The following RFX3 variants were observed in gnomAD, a reference collection of about 807,000 sequenced individuals.
RFX3 encodes regulatory factor X3.
Under a neutral mutation model 98.6 loss-of-function variants are expected in RFX3, and 14 were observed. The ratio of observed to expected loss-of-function variants is 0.14; its 90% CI spans 0.09 to 0.22. RFX3 has a LOEUF of 0.22. RFX3 is among the 10% of genes least tolerant of loss of function. The pLI, the probability that RFX3 is intolerant of heterozygous loss-of-function variation, is 1.00. For missense variants in RFX3, 639 were observed against 926.9 expected (o/e 0.69, Z 4.03); for synonymous variants, 383 against 328.4 (o/e 1.17, Z -1.80).
chr9:3,223,109 T>G lies in RFX3; in HGVS notation c.*1933A>C, dbSNP rs1218708497. 6.6e-6 allele frequency: 1 copy of G among 151,854 alleles called. No homozygotes were observed. The highest frequency in any genetic ancestry group is 1.5e-5 in the Non-Finnish European group (1 of 67,930). The allele number at this position is 151,854 out of a possible 1,614,324, so 9.4% of individuals were successfully genotyped here. On this transcript the variant is annotated 3_prime_UTR_variant, in exon 17 of 17. Transcript: ENST00000617270. ...AATACCACTGGAAAGATAAACATCTTGGGTTTAATATAGGCCTCATTTGAT... is the reference window on the plus strand; with the variant it reads ...AATACCACTGGAAAGATAAACATCTGGGGTTTAATATAGGCCTCATTTGAT...
intron 15 of RFX3, among the ~76,000 whole-genome samples, chr9:3,233,189 C>T (rs904019085): frequency 6.6e-6 from 1 of 152,146 alleles, no homozygotes; most frequent in Non-Finnish European, 1.5e-5. Context: ...CACAAATATT[C>T]GTGTAAGACT....
At chr9:3,423,110 C>T (rs907934742) in intron 1 of RFX3, among the ~76,000 whole-genome samples, 1 of 152,136 alleles carries the variant, frequency 6.6e-6, no homozygotes, top group Non-Finnish European at 1.5e-5. Flanking sequence ...TTAACACTAT[C>T]CAAACATATG....
intron 1 of RFX3, among the ~76,000 whole-genome samples, chr9:3,433,298 T>C (rs1844819111): frequency 6.6e-6 from 1 of 152,138 alleles, no homozygotes; most frequent in African/African-American, 2.4e-5. Flanking sequence ...GACCAACCCC[T>C]ACTCTTCCTC....
intron 9 of RFX3, among the ~76,000 whole-genome samples, chr9:3,271,531 TTCTC>T (rs1824448771): frequency 2.0e-4 from 2 of 10,180 alleles, no homozygotes; most frequent in South Asian, 0.027. Flanking sequence ...CCTTCTTTCT[TTCTC>T]TCTTTCTCTT....
chr9:3,381,474 T>C (rs1839188852), intron 2 of RFX3, among the ~76,000 whole-genome samples: 1 of 152,134 alleles, frequency 6.6e-6, no homozygotes, highest in Admixed American at 6.6e-5. Context: ...ATACAGATTT[T>C]TTAGATTTGT....
intron 1 of RFX3, among the ~76,000 whole-genome samples, chr9:3,489,857 T>C (rs1006092404): frequency 5.9e-5 from 9 of 152,274 alleles, no homozygotes; most frequent in East Asian, 5.8e-4. Context: ...TCTTTCTTTA[T>C]TGTTCCTCTA....
At chr9:3,301,954 T>A (rs1291791529) in intron 4 of RFX3, among the ~76,000 whole-genome samples, 1 of 152,040 alleles carries the variant, frequency 6.6e-6, no homozygotes, top group Non-Finnish European at 1.5e-5. Context: ...TATGGGATAG[T>A]AACTATTCTC....
Position 3,423,800 on chromosome 9 carries a change from T to TATATATATAC in RFX3, c.-8-28205_-8-28204insGTATATATAT, listed in dbSNP as rs1554704367. On this transcript the variant is annotated intron_variant, in intron 1 of 16. Coordinates refer to ENST00000617270, the MANE Select transcript of RFX3 (RefSeq NM_001282116.2). ...TTTCATATATATATATATATATATA[T>TATATATATAC]ATATATATATATCTTAAGGTAATTT... is the stretch of plus-strand genomic sequence containing the variant. 2.2e-5 allele frequency among the ~76,000 whole-genome samples: 3 copies of TATATATATAC among 133,506 alleles called. 1 individual carries two copies. In the East Asian group the frequency reaches 6.1e-4, roughly 27 times the overall value. The allele number at this position is 133,506 out of a possible 152,430, so 87.6% of individuals were successfully genotyped here.
At chr9:3,424,374 T>TCC (rs1564082792) in intron 1 of RFX3, among the ~76,000 whole-genome samples, 2 of 119,434 alleles carry the variant, frequency 1.7e-5, no homozygotes, top group Admixed American at 1.7e-4. Flanking sequence ...TTTTTTTTTT[T>TCC]TTTTTGAGAC....
At chr9:3,388,050 C>A (rs977748345) in intron 2 of RFX3, among the ~76,000 whole-genome samples, 2 of 152,082 alleles carry the variant, frequency 1.3e-5, no homozygotes, top group Non-Finnish European at 2.9e-5. Context: ...TTAAAAATCA[C>A]TACTGATTGC....
At chr9:3,411,087 A>G (rs2132170665) in intron 1 of RFX3, among the ~76,000 whole-genome samples, 1 of 152,332 alleles carries the variant, frequency 6.6e-6, no homozygotes, top group East Asian at 1.9e-4. Flanking sequence ...ACACACAAAT[A>G]TGAGCTGATT....
intron 5 of RFX3, among the ~76,000 whole-genome samples, chr9:3,300,286 C>G (rs1313300783): frequency 6.6e-6 from 1 of 151,604 alleles, no homozygotes; most frequent in Non-Finnish European, 1.5e-5. Flanking sequence ...AGAATATATA[C>G]TATCATGTTT....
Position 3,415,185 on chromosome 9 carries a change from A to G in RFX3, c.-8-19589T>C, listed in dbSNP as rs540156563. Among the ~76,000 whole-genome samples, 735 of 139,622 alleles carry G rather than the reference A, an allele frequency of 5.3e-3. 8 individuals carry two copies. Among genetic ancestry groups the G allele is most frequent in the Admixed American group, 7.6e-3 (103 of 13,476 alleles). The allele number at this position is 139,622 out of a possible 152,430, so 91.6% of individuals were successfully genotyped here. On this transcript the variant is annotated intron_variant, in intron 1 of 16. Coordinates refer to ENST00000617270, the MANE Select transcript of RFX3 (RefSeq NM_001282116.2). ...TATATATATACTTATATATATATAC[A>G]CATACTCATATATATATATATATAC... is the stretch of plus-strand genomic sequence containing the variant.
intron 1 of RFX3, among the ~76,000 whole-genome samples, chr9:3,416,502 GA>G (rs1256283502): frequency 6.7e-6 from 1 of 148,460 alleles, no homozygotes; most frequent in Non-Finnish European, 1.5e-5. Context: ...TTATTAGGGG[GA>G]AAAAAAGCCA....
intron 1 of RFX3, among the ~76,000 whole-genome samples, chr9:3,471,466 G>A (rs960190867): frequency 1.3e-5 from 2 of 152,138 alleles, no homozygotes; most frequent in Non-Finnish European, 1.5e-5. Flanking sequence ...TCAATTACAA[G>A]TTTGGCTTCA....
At chr9:3,262,532 T>TATAA (rs1823047801) in intron 13 of RFX3, among the ~76,000 whole-genome samples, 1 of 152,162 alleles carries the variant, frequency 6.6e-6, no homozygotes, top group Non-Finnish European at 1.5e-5. Context: ...TTATTAAATA[T>TATAA]ATAAACAATA....
At chr9:3,482,579 T>C (rs1185426657) in intron 1 of RFX3, among the ~76,000 whole-genome samples, 1 of 152,232 alleles carries the variant, frequency 6.6e-6, no homozygotes, top group Non-Finnish European at 1.5e-5. Flanking sequence ...GAATGTTAAT[T>C]ACGTTTAATA....
Position 3,387,794 on chromosome 9 carries a change from G to C in RFX3, c.117+7678C>G, listed in dbSNP as rs978335601. On this transcript the variant is annotated intron_variant, in intron 2 of 16. Transcript: ENST00000617270. The stretch of plus-strand genomic sequence containing the variant: ...GAGCAAACCGGAGAAAAATGCCTTT[G>C]TTTCAGCTGATTATATGAAATAATG... 5.3e-5 allele frequency among the ~76,000 whole-genome samples: 8 copies of C among 151,982 alleles called. No individual in the cohort carries two copies. In the East Asian group the frequency reaches 1.2e-3, roughly 22 times the overall value.
intron 2 of RFX3, among the ~76,000 whole-genome samples, chr9:3,363,303 T>G (rs1836672993): frequency 6.6e-6 from 1 of 152,100 alleles, no homozygotes; most frequent in African/African-American, 2.4e-5. Context: ...ATGCAGCACA[T>G]CAAAATATCT....
Sources: gnomAD v4.1 joint callset for allele counts (sites outside exome capture counted in the v4.1 genomes callset) on GRCh38, gnomAD v4.1.1 for gene constraint, MANE v1.5 for transcripts, NCBI Gene and HGNC (gene_info 2026-07-23, HGNC 2026-07-21) for gene names.